Variants in MEGF11 observed in about 807,000 individuals in gnomAD.
MEGF11 encodes the protein multiple EGF like domains 11, also known as multiple epidermal growth factor-like domains protein 11.
MEGF11 carries 126 observed loss-of-function variants against 146.6 expected under a neutral mutation model. The observed-to-expected ratio is 0.86, with a 90% CI of 0.74 to 1.00. The LOEUF is 1.00. Ranked by LOEUF, MEGF11 falls within the 50% of genes least tolerant of loss-of-function variation. The pLI is 0.00. For synonymous variants in MEGF11, 532 were observed against 583.4 expected (o/e 0.91, Z 1.27); for missense variants, 1,509 against 1,521.2 (o/e 0.99, Z 0.13).
intron 23 of MEGF11, among the ~76,000 whole-genome samples, chr15:65,906,874 C>T (rs80329081): frequency 1.2e-3 from 190 of 152,318 alleles, no homozygotes; most frequent in African/African-American, 4.4e-3. Flanking sequence ...TTCTACCTTT[C>T]GGCTGTCAGT....
At chr15:66,039,053 C>T (rs12899971) in intron 5 of MEGF11, among the ~76,000 whole-genome samples, 10,081 of 152,218 alleles carry the variant, frequency 0.066, 650 homozygotes, top group African/African-American at 0.16. Context: ...AATGCAGTCT[C>T]GGGCTCCACC....
rs8027876 is a variant in MEGF11, at chr15:65,951,644, G to A, written c.1287+5903C>T. ...GGAGGTTGCAGTAAGCTGAGATCAC[G>A]CCACTGCATTTCAGCCTAGGCAACA... On this transcript the variant is annotated intron_variant, in intron 10 of 25. Coordinates refer to ENST00000395614, the MANE Select transcript of MEGF11 (RefSeq NM_001385028.1). 3.6e-3 allele frequency among the ~76,000 whole-genome samples: 554 copies of A among 152,232 alleles called. 2 individuals carry two copies. Among genetic ancestry groups the A allele is most frequent in the African/African-American group, 0.013 (531 of 41,528 alleles).
intron 5 of MEGF11, among the ~76,000 whole-genome samples, chr15:66,028,180 T>G (rs2083400757): frequency 6.6e-6 from 1 of 152,236 alleles, no homozygotes; most frequent in Non-Finnish European, 1.5e-5. Context: ...TGTTCTGGAC[T>G]GCAAGCTTGA....
At chr15:66,166,814 C>T (rs549684726) in intron 1 of MEGF11, among the ~76,000 whole-genome samples, 4 of 152,244 alleles carry the variant, frequency 2.6e-5, no homozygotes, top group South Asian at 4.1e-4. Context: ...ATCCCAGGCC[C>T]TGGCACGCCA....
chr15:65,966,383 A>G (rs1455857242), intron 8 of MEGF11, among the ~76,000 whole-genome samples: 1 of 152,214 alleles, frequency 6.6e-6, no homozygotes, highest in African/African-American at 2.4e-5. Flanking sequence ...TCTTTGCAGC[A>G]TATGAAACAG....
chr15:65,947,545 A>G (rs1034266881), intron 10 of MEGF11, among the ~76,000 whole-genome samples: 1 of 152,200 alleles, frequency 6.6e-6, no homozygotes, highest in African/African-American at 2.4e-5. Context: ...CAATGTACAT[A>G]GAACAGAGTG....
intron 7 of MEGF11, among the ~76,000 whole-genome samples, chr15:65,978,015 G>A (rs747616955): frequency 5.9e-5 from 9 of 152,238 alleles, no homozygotes; most frequent in Non-Finnish European, 8.8e-5. Context: ...TTGGGCTAGC[G>A]GAATATCCTG....
intron 5 of MEGF11, among the ~76,000 whole-genome samples, chr15:66,012,400 G>A (rs1176944743): frequency 1.3e-5 from 2 of 152,146 alleles, no homozygotes; most frequent in Non-Finnish European, 2.9e-5. Context: ...TGTGGTGTGG[G>A]GGAGTCTGGG....
At chr15:65,924,210 G>A (rs1455273844) in intron 13 of MEGF11, among the ~76,000 whole-genome samples, 1 of 152,072 alleles carries the variant, frequency 6.6e-6, no homozygotes, top group Non-Finnish European at 1.5e-5. Context: ...CCACCGGAGA[G>A]GGGAGAGGGA....
chr15:65,911,979 TG>T, intron 21 of MEGF11, 102 bp downstream of exon 21: 1 of 542,768 alleles, frequency 1.8e-6, no homozygotes, highest in Non-Finnish European at 2.8e-6. Flanking sequence ...CAGTTCTACA[TG>T]GACCCTCCAT....
intron 1 of MEGF11, among the ~76,000 whole-genome samples, chr15:66,179,957 G>A (rs1176090905): frequency 6.6e-6 from 1 of 152,022 alleles, no homozygotes; most frequent in East Asian, 1.9e-4. Flanking sequence ...GGTTTACCAA[G>A]CCCTCGATAG....
chr15:66,115,963 G>T (rs114240716), intron 4 of MEGF11, among the ~76,000 whole-genome samples: 1 of 152,170 alleles, frequency 6.6e-6, no homozygotes, highest in African/African-American at 2.4e-5. Context: ...AACCGCTGCC[G>T]GTGAAGCCGC....
At chr15:65,900,093 G>C (rs534122664) in intron 24 of MEGF11, among the ~76,000 whole-genome samples, 10 of 152,286 alleles carry the variant, frequency 6.6e-5, no homozygotes, top group South Asian at 6.2e-4. Context: ...CTCTAATCTA[G>C]CAGCTCTGAC....
At chr15:65,966,834 C>T (rs777435613) in intron 8 of MEGF11, among the ~76,000 whole-genome samples, 5 of 151,900 alleles carry the variant, frequency 3.3e-5, no homozygotes, top group Admixed American at 1.3e-4. Context: ...CACCTGGTTT[C>T]CTGAATGTGC....
chr15:66,123,507 G>A (rs570323522), intron 3 of MEGF11, among the ~76,000 whole-genome samples: 1 of 152,320 alleles, frequency 6.6e-6, no homozygotes, highest in South Asian at 2.1e-4. Context: ...GGGAAGTAAA[G>A]GCAGCCAATC....
chr15:66,228,307 C>T (rs1168422274), intron 1 of MEGF11, among the ~76,000 whole-genome samples: 6 of 152,068 alleles, frequency 3.9e-5, no homozygotes, highest in Non-Finnish European at 8.8e-5. Flanking sequence ...CAGGGGCTTA[C>T]GAAGCCTTGT....
intron 14 of MEGF11, 69 bp downstream of exon 14, chr15:65,922,754 A>T: frequency 1.3e-6 from 2 of 1,549,638 alleles, no homozygotes; most frequent in Non-Finnish European, 1.8e-6. Flanking sequence ...GGCCATGGCT[A>T]GTTCCAACTG....
chr15:66,144,075 C>A (rs1330593508), intron 1 of MEGF11, among the ~76,000 whole-genome samples: 2 of 152,162 alleles, frequency 1.3e-5, no homozygotes. Flanking sequence ...GGAGACACTC[C>A]TTCTGGAGGG....
At chr15:66,067,910 G>A (rs532260826) in intron 5 of MEGF11, among the ~76,000 whole-genome samples, 9 of 152,264 alleles carry the variant, frequency 5.9e-5, no homozygotes, top group Middle Eastern at 3.4e-3. Flanking sequence ...AGGACTTAAC[G>A]CCTCGCTTCA....
Sources: allele counts gnomAD v4.1 joint callset (sites outside exome capture counted in the v4.1 genomes callset), GRCh38; gene constraint gnomAD v4.1.1; transcripts MANE v1.5; gene names NCBI Gene and HGNC (gene_info 2026-07-23, HGNC 2026-07-21).